The following CNTNAP2 variants were observed in gnomAD, a reference collection of about 807,000 sequenced individuals.
The protein encoded by CNTNAP2 is contactin associated protein 2, also known as contactin-associated protein-like 2.
A neutral mutation model predicts 155.2 loss-of-function variants in CNTNAP2; 98 were observed. That is an observed-to-expected ratio of 0.63 (90% CI 0.54 to 0.75). The LOEUF (loss-of-function observed/expected upper bound fraction) is 0.75. CNTNAP2 is among the 30% of genes least tolerant of loss of function. The pLI, the probability that CNTNAP2 is intolerant of heterozygous loss-of-function variation, is 0.00. For missense variants in CNTNAP2, 1,727 were observed against 1,688.1 expected (o/e 1.02, Z -0.40); for synonymous variants, 651 against 631.2 (o/e 1.03, Z -0.47).
At chr7:146,911,818 T>A (rs533620220) in intron 3 of CNTNAP2, among the ~76,000 whole-genome samples, 6 of 151,378 alleles carry the variant, frequency 4.0e-5, no homozygotes, top group Non-Finnish European at 8.9e-5. Context: ...ATAAAAAAAA[T>A]AAATAATAAA....
intron 21 of CNTNAP2, among the ~76,000 whole-genome samples, chr7:148,339,207 A>G (rs567040883): frequency 6.6e-6 from 1 of 151,914 alleles, no homozygotes; most frequent in East Asian, 1.9e-4. Flanking sequence ...GGTCAACAGT[A>G]TCAAAGGTGC....
chr7:147,513,391 T>C (rs1409141241), intron 11 of CNTNAP2, among the ~76,000 whole-genome samples: 9 of 152,188 alleles, frequency 5.9e-5, no homozygotes, highest in African/African-American at 2.2e-4. Context: ...GATAATGTAT[T>C]ATGAATAAAT....
intron 12 of CNTNAP2, among the ~76,000 whole-genome samples, chr7:147,580,917 A>G (rs1451366644): frequency 1.3e-5 from 2 of 152,162 alleles, no homozygotes; most frequent in East Asian, 3.9e-4. Flanking sequence ...CGCTCAGCCC[A>G]TTATTTGTTT....
chr7:146,568,950 C>T (rs145884403), intron 1 of CNTNAP2, among the ~76,000 whole-genome samples: 1 of 151,826 alleles, frequency 6.6e-6, no homozygotes, highest in African/African-American at 2.4e-5. Context: ...TCACGCAAAT[C>T]ACAAGTTCCC....
intron 1 of CNTNAP2, among the ~76,000 whole-genome samples, chr7:146,368,401 C>T (rs1010289833): frequency 6.6e-6 from 1 of 151,988 alleles, no homozygotes; most frequent in Admixed American, 6.6e-5. Context: ...AGATAAACAT[C>T]CCAGATTGGT....
At chr7:146,219,876 A>T (rs73739566) in intron 1 of CNTNAP2, among the ~76,000 whole-genome samples, 4,589 of 152,118 alleles carry the variant, frequency 0.03, 232 homozygotes, top group African/African-American at 0.11. Context: ...TAAGAACACA[A>T]CTCTAAAGAT....
intron 3 of CNTNAP2, among the ~76,000 whole-genome samples, chr7:146,920,801 G>C (rs1296979487): frequency 6.6e-6 from 1 of 152,188 alleles, no homozygotes; most frequent in African/African-American, 2.4e-5. Context: ...AAGTGCACGA[G>C]TTGTGAGTAA....
Position 147,833,141 on chromosome 7 carries a change from T to TC in CNTNAP2, c.2099-70423dup, listed in dbSNP as rs1798581023. On this transcript the variant is annotated intron_variant, in intron 13 of 23. Transcript: ENST00000361727. ...ATTTTTCTTAGGTTTTTTTTTTTTT[T>TC]CATGAAACAATGATAACTGCTAGCA... Among the ~76,000 whole-genome samples the TC allele has an allele frequency of 2.0e-5, 3 of 151,182 alleles. No homozygotes were observed. The South Asian group carries it at 6.2e-4, about 31-fold the overall frequency.
At chr7:146,431,538 G>A (rs1718085) in intron 1 of CNTNAP2, among the ~76,000 whole-genome samples, 5,415 of 152,062 alleles carry the variant, frequency 0.036, 346 homozygotes, top group African/African-American at 0.12. Context: ...TAGCCAACCT[G>A]TGAAGAGCGT....
chr7:147,697,650 T>A (rs138562028), intron 13 of CNTNAP2, among the ~76,000 whole-genome samples: 21 of 152,264 alleles, frequency 1.4e-4, no homozygotes, highest in African/African-American at 4.3e-4. Flanking sequence ...ACTTCACAAG[T>A]TTCCGCCAAC....
At chr7:146,232,534 T>G (rs1799403196) in intron 1 of CNTNAP2, among the ~76,000 whole-genome samples, 1 of 152,152 alleles carries the variant, frequency 6.6e-6, no homozygotes, top group Non-Finnish European at 1.5e-5. Context: ...GGAGTGAGAC[T>G]AGGTATCCTC....
chr7:146,139,566 A>T (rs897271396), intron 1 of CNTNAP2, among the ~76,000 whole-genome samples: 4 of 152,210 alleles, frequency 2.6e-5, no homozygotes, highest in African/African-American at 9.6e-5. Flanking sequence ...CCACCTTAAG[A>T]GTTTCTTCTG....
At chr7:146,143,690 T>C (rs1222271690) in intron 1 of CNTNAP2, among the ~76,000 whole-genome samples, 3 of 152,188 alleles carry the variant, frequency 2.0e-5, no homozygotes, top group Non-Finnish European at 4.4e-5. Flanking sequence ...TGAAATAATC[T>C]GTGTAATGAA....
chr7:147,699,187 G>A (rs1796201370), intron 13 of CNTNAP2, among the ~76,000 whole-genome samples: 1 of 150,612 alleles, frequency 6.6e-6, no homozygotes, highest in Admixed American at 6.6e-5. Flanking sequence ...ACTTAAGCAA[G>A]CTGAACGGGT....
At chr7:148,053,042 G>A (rs993166890) in intron 15 of CNTNAP2, among the ~76,000 whole-genome samples, 21 of 151,998 alleles carry the variant, frequency 1.4e-4, no homozygotes, top group African/African-American at 2.4e-4. Flanking sequence ...GCTAGACTCC[G>A]TCTCAAAAAA....
At chr7:147,295,405 A>G (rs1008487626) in intron 8 of CNTNAP2, among the ~76,000 whole-genome samples, 1 of 152,146 alleles carries the variant, frequency 6.6e-6, no homozygotes, top group Non-Finnish European at 1.5e-5. Flanking sequence ...TCTAGAACCA[A>G]CTATGTCTGA....
chr7:147,786,623 G>A (rs927205011), intron 13 of CNTNAP2, among the ~76,000 whole-genome samples: 7 of 152,116 alleles, frequency 4.6e-5, no homozygotes, highest in African/African-American at 1.7e-4. Context: ...GGGAAGACTT[G>A]CAAGGGAGAT....
intron 9 of CNTNAP2, among the ~76,000 whole-genome samples, chr7:147,323,808 T>A (rs533101255): frequency 6.6e-6 from 1 of 152,312 alleles, no homozygotes; most frequent in African/African-American, 2.4e-5. Flanking sequence ...CAATAGAATA[T>A]TTTTTAATTA....
intron 9 of CNTNAP2, among the ~76,000 whole-genome samples, chr7:147,345,657 T>C (rs759225907): frequency 1.2e-4 from 17 of 144,602 alleles, no homozygotes; most frequent in Non-Finnish European, 2.4e-4. Flanking sequence ...TAAAAACTGA[T>C]GTTCAAAAAA....
Sources: gnomAD v4.1 joint callset for allele counts (sites outside exome capture counted in the v4.1 genomes callset) on GRCh38, gnomAD v4.1.1 for gene constraint, MANE v1.5 for transcripts, NCBI Gene and HGNC (gene_info 2026-07-23, HGNC 2026-07-21) for gene names.